HLTF: variants seen among roughly 807,000 people sequenced by gnomAD.
HLTF encodes helicase like transcription factor, also known as DNA-dependent ATPase/E3 ubiquitin-protein ligase HLTF.
In HLTF, 127 loss-of-function variants were observed where a neutral mutation model predicts 129.4. The observed-to-expected ratio is 0.98, with a 90% CI of 0.85 to 1.14. HLTF has a LOEUF of 1.14. Ranked by LOEUF, HLTF falls within the 50% of genes most tolerant of loss-of-function variation. The pLI is 0.00. For missense variants in HLTF, 1,139 were observed against 1,187.1 expected, an observed-to-expected ratio of 0.96 and a Z score of 0.60; for synonymous variants, 332 against 388.8, an observed-to-expected ratio of 0.85 and a Z score of 1.72.
At position 149,041,547 on chromosome 3, in the gene HLTF, T is replaced by C. The variant is rs781751201; in HGVS notation, c.2319A>G (p.Thr773=). ...GTTTACAAAATACATGTGCACAATG[T>C]GTTATCACAGGAACTGTTAAAGAAT... ...CLDSLTVPVI[T]HCAHVFCKPC... The change falls in exon 20 of 25, where the codon ACA becomes ACG. Residue 773 remains threonine, a synonymous_variant. Transcript: ENST00000310053. 1 of 1,613,384 alleles carries C rather than the reference T, an allele frequency of 6.2e-7. No homozygotes were observed. The highest frequency in any genetic ancestry group is 8.5e-7 in the Non-Finnish European group (1 of 1,179,462).
Position 149,035,146 on chromosome 3 carries a change from G to C in HLTF, c.2797-148C>G, listed in dbSNP as rs150382979. On this transcript the variant is annotated intron_variant, in intron 23 of 24. Transcript: ENST00000310053. ...AGATACTAACATCACAAATACTCTGGGGAAAAATCCACCCTCCCAATCACT... is the reference window on the plus strand; with the variant it reads ...AGATACTAACATCACAAATACTCTGCGGAAAAATCCACCCTCCCAATCACT... 740 of 655,440 alleles carry C rather than the reference G, an allele frequency of 1.1e-3. 3 individuals carry two copies. In the African/African-American group the frequency reaches 0.012, roughly 11 times the overall value. 40.6% of individuals were successfully genotyped at this position (655,440 alleles called of 1,614,324 possible).
At chr3:149,067,195 T>A (rs370072942) in intron 8 of HLTF, among the ~76,000 whole-genome samples, 17 of 150,414 alleles carry the variant, frequency 1.1e-4, no homozygotes, top group Non-Finnish European at 1.8e-4. Context: ...TGTATATATA[T>A]ACACACACAC....
chr3:149,070,504 T>C (rs970471300), intron 7 of HLTF, among the ~76,000 whole-genome samples: 2 of 152,214 alleles, frequency 1.3e-5, no homozygotes, highest in Admixed American at 6.5e-5. Context: ...CCTAATACTA[T>C]AACTACTGAT....
At chr3:149,072,567 C>T (rs1232875490) in intron 5 of HLTF, among the ~76,000 whole-genome samples, 1 of 152,128 alleles carries the variant, frequency 6.6e-6, no homozygotes. Context: ...AAAATTAACA[C>T]ATGAACACAG....
chr3:149,053,405 T>A (rs565319880), intron 14 of HLTF, among the ~76,000 whole-genome samples: 29 of 152,122 alleles, frequency 1.9e-4, no homozygotes, highest in African/African-American at 7.0e-4. Flanking sequence ...ACCTCTCCAC[T>A]CTCTCTCTTA....
chr3:149,041,590 T>C lies in HLTF; in HGVS notation c.2276A>G (p.Glu759Gly), dbSNP rs1392961597. 1 of 1,612,010 alleles carries C rather than the reference T, an allele frequency of 6.2e-7. No homozygotes were observed. The highest frequency in any genetic ancestry group is 8.5e-7 in the Non-Finnish European group (1 of 1,178,214). The change falls in exon 20 of 25, where the codon GAA becomes GGA. Residue 759 changes from glutamate to glycine, a missense_variant. Physicochemically the swap from Glu to Gly is moderately conservative, Grantham distance 98. Coordinates refer to ENST00000310053, the MANE Select transcript of HLTF (RefSeq NM_003071.4). Reference sequence around the variant, plus strand: ...TAAAGAATCCAGGCAAATTGCACATTCCTCATCTGAACCTGAGCTCAGAAT... The same window carrying C: ...TAAAGAATCCAGGCAAATTGCACATCCCTCATCTGAACCTGAGCTCAGAAT... ...KLILSSGSDE[E>G]CAICLDSLTV...
At chr3:149,074,014 T>C (rs1719106602) in intron 4 of HLTF, among the ~76,000 whole-genome samples, 1 of 152,188 alleles carries the variant, frequency 6.6e-6, no homozygotes, top group Non-Finnish European at 1.5e-5. Flanking sequence ...TCACTCTTAC[T>C]GTGTATATTT....
chr3:149,043,530 T>C (rs561574362), intron 18 of HLTF, among the ~76,000 whole-genome samples: 144 of 144,266 alleles, frequency 1.0e-3, no homozygotes, highest in African/African-American at 3.3e-3. Context: ...AACAAAGAAG[T>C]TGCTGAACTT....
chr3:149,058,894 C>T lies in HLTF; in HGVS notation c.1375+824G>A, dbSNP rs570554404. Among the ~76,000 whole-genome samples the T allele has an allele frequency of 2.6e-5, 4 of 152,322 alleles. No individual in the cohort carries two copies. In the South Asian group the frequency reaches 6.2e-4, roughly 24 times the overall value. Reference sequence around the variant, plus strand: ...TCTAATGTGTAATTTAATTCTATCTCAACCGAAATTTCCACATTTCTTTAA... The same window carrying T: ...TCTAATGTGTAATTTAATTCTATCTTAACCGAAATTTCCACATTTCTTTAA... On this transcript the variant is annotated intron_variant, in intron 13 of 24. Coordinates refer to ENST00000310053, the MANE Select transcript of HLTF (RefSeq NM_003071.4).
At chr3:149,061,158 C>T (rs1440044500) in intron 10 of HLTF, among the ~76,000 whole-genome samples, 1 of 152,130 alleles carries the variant, frequency 6.6e-6, no homozygotes, top group Admixed American at 6.6e-5. Context: ...CAACCTCATA[C>T]TCCTGGGCTC....
intron 3 of HLTF, among the ~76,000 whole-genome samples, 170 bp from the exon 4 acceptor site, chr3:149,074,518 A>G (rs991559445): frequency 6.6e-6 from 1 of 152,234 alleles, no homozygotes; most frequent in African/African-American, 2.4e-5. Context: ...ATAGAACCAT[A>G]AACAATCAGA....
Position 149,032,355 on chromosome 3 carries a change from A to AGTTG in HLTF, c.2894_2895insCAAC (p.Val966AsnfsTer3), listed in dbSNP as rs1491299802. On this transcript the variant is annotated frameshift_variant, in exon 25 of 25. Coordinates refer to ENST00000310053, the MANE Select transcript of HLTF (RefSeq NM_003071.4). LOFTEE classifies it high-confidence loss of function. The stretch of plus-strand genomic sequence containing the variant: ...GTATTTTCAGCATATTTTCTTCAAC[A>AGTTG]GAGTCCTTTACAATGAACTTTAAAA... 1 of 1,560,898 alleles carries AGTTG rather than the reference A, an allele frequency of 6.4e-7. No homozygotes were observed. The highest frequency in any genetic ancestry group is 1.9e-5 in the Admixed American group (1 of 52,066).
intron 14 of HLTF, among the ~76,000 whole-genome samples, chr3:149,051,574 T>C (rs1716999836): frequency 6.6e-6 from 1 of 152,216 alleles, no homozygotes; most frequent in African/African-American, 2.4e-5. Context: ...ATTAAAAATA[T>C]TCCAGGCCAG....
At chr3:149,083,185 A>AG (rs1223969614) in intron 2 of HLTF, among the ~76,000 whole-genome samples, 5 of 152,230 alleles carry the variant, frequency 3.3e-5, no homozygotes, top group African/African-American at 9.6e-5. Context: ...TGGGAGGCGG[A>AG]GGTTGCAGTG....
At chr3:149,037,502 A>T (rs1309356325) in intron 23 of HLTF, among the ~76,000 whole-genome samples, 1 of 151,812 alleles carries the variant, frequency 6.6e-6, no homozygotes, top group South Asian at 2.1e-4. Flanking sequence ...AAAATACAAC[A>T]GACCATACCA....
chr3:149,073,435 T>G, intron 4 of HLTF, 113 bp from the exon 5 acceptor site: 1 of 726,170 alleles, frequency 1.4e-6, no homozygotes. Context: ...GGCTCATGCC[T>G]GTAACCCAAG....
chr3:149,045,051 T>C (rs748617381), intron 18 of HLTF, among the ~76,000 whole-genome samples: 1 of 152,126 alleles, frequency 6.6e-6, no homozygotes, highest in Non-Finnish European at 1.5e-5. Context: ...TCATAAAAAG[T>C]AAAAGCCAAA....
chr3:149,036,296 G>GGTTTTTTTTTTT (rs1715616646), intron 23 of HLTF, among the ~76,000 whole-genome samples: 1 of 57,584 alleles, frequency 1.7e-5, no homozygotes, highest in South Asian at 4.1e-4. Context: ...AAAACTATGA[G>GGTTTTTTTTTTT]GTTTTTTTTT....
intron 20 of HLTF, 87 bp downstream of exon 20, chr3:149,041,403 C>A: frequency 1.3e-6 from 1 of 794,534 alleles, no homozygotes; most frequent in East Asian, 3.0e-5. Flanking sequence ...AATCCAAGTG[C>A]AAAACTCCAT....
Sources: gnomAD v4.1 joint callset for allele counts (sites outside exome capture counted in the v4.1 genomes callset) on GRCh38, gnomAD v4.1.1 for gene constraint, MANE v1.5 for transcripts, NCBI Gene and HGNC (gene_info 2026-07-23, HGNC 2026-07-21) for gene names.